Variants in GPR173 observed in about 807,000 individuals in gnomAD.
GPR173 encodes the protein G protein-coupled receptor 173.
In GPR173, 2 loss-of-function variants were observed where a neutral mutation model predicts 13.9. The ratio of observed to expected loss-of-function variants is 0.14; its 90% CI spans 0.06 to 0.45. The LOEUF (loss-of-function observed/expected upper bound fraction) is 0.45. Ranked by LOEUF, GPR173 falls within the 20% of genes least tolerant of loss-of-function variation. The probability of loss-of-function intolerance (pLI) is 0.98; values close to 1 mark genes in which losing one functional copy is unlikely to be tolerated. For synonymous variants in GPR173, 131 were observed against 141.0 expected (o/e 0.93, Z 0.50); for missense variants, 202 against 340.5 (o/e 0.59, Z 3.20).
At chrX:53,074,674 A>T (rs1274529471) in intron 1 of GPR173, among the ~76,000 whole-genome samples, 2 of 84,462 alleles carry the variant, frequency 2.4e-5, no homozygotes, top group Non-Finnish European at 4.2e-5. Flanking sequence ...ATATATATTT[A>T]TTTATAAATA....
chrX:53,070,752 G>A (rs1218890356), intron 1 of GPR173, among the ~76,000 whole-genome samples: 2 of 111,547 alleles, frequency 1.8e-5, no homozygotes, highest in African/African-American at 6.5e-5. Context: ...CCAAAGTGCT[G>A]GGATTACTGG....
intron 1 of GPR173, among the ~76,000 whole-genome samples, chrX:53,073,238 G>C (rs1282650745): frequency 1.9e-5 from 2 of 105,676 alleles, no homozygotes; most frequent in African/African-American, 3.5e-5. Context: ...AAAAAAAAAA[G>C]GCCGGGCACC....
chrX:53,058,139 G>A (rs1438410715), intron 1 of GPR173, among the ~76,000 whole-genome samples: 1 of 112,084 alleles, frequency 8.9e-6, no homozygotes, highest in Non-Finnish European at 1.9e-5. Context: ...GGTTGGCCCC[G>A]TGTGTATATT....
intron 1 of GPR173, among the ~76,000 whole-genome samples, chrX:53,053,845 C>G (rs998723041): frequency 8.9e-6 from 1 of 112,724 alleles, no homozygotes; most frequent in Non-Finnish European, 1.9e-5. Flanking sequence ...TGACCATGTA[C>G]TGGGCTTTTG....
At chrX:53,072,614 C>A (rs1363218962) in intron 1 of GPR173, among the ~76,000 whole-genome samples, 1 of 110,478 alleles carries the variant, frequency 9.1e-6, no homozygotes, top group African/African-American at 3.3e-5. Context: ...GTCACACACA[C>A]CTCTCTCTCC....
At chrX:53,072,392 T>C (rs12394157) in intron 1 of GPR173, among the ~76,000 whole-genome samples, 1 of 73,954 alleles carries the variant, frequency 1.4e-5, no homozygotes, top group Non-Finnish European at 2.4e-5. Flanking sequence ...TTCTCTCTCT[T>C]GCTCTCTCTC....
At chrX:53,074,319 T>A (rs375928180) in intron 1 of GPR173, among the ~76,000 whole-genome samples, 39 of 67,570 alleles carry the variant, frequency 5.8e-4, no homozygotes, top group Non-Finnish European at 8.4e-4. Flanking sequence ...TTCATATATA[T>A]TTATATATAA....
chrX:53,052,010 G>A (rs1931964570), intron 1 of GPR173, among the ~76,000 whole-genome samples: 2 of 111,290 alleles, frequency 1.8e-5, no homozygotes, highest in Admixed American at 9.6e-5. Flanking sequence ...CTGTATGTGG[G>A]TTCTCCAGCA....
At position 53,067,278 on chromosome X, in the gene GPR173, T is replaced by C. The variant is rs782137366; in HGVS notation, c.-97-9247T>C. ...TTTACCTCATTGGTCTTAAAAATAG[T>C]GTACACAATTTCCCTGCACACCGCT... On this transcript the variant is annotated intron_variant, in intron 1 of 1. Transcript: ENST00000332582. 1.1e-4 allele frequency among the ~76,000 whole-genome samples: 12 copies of C among 111,384 alleles called. 1 individual carries two copies. The South Asian group carries it at 4.5e-3, about 42-fold the overall frequency.
chrX:53,069,414 C>T (rs192408600), intron 1 of GPR173, among the ~76,000 whole-genome samples: 2 of 111,729 alleles, frequency 1.8e-5, no homozygotes, highest in East Asian at 5.6e-4. Flanking sequence ...GTGATGAAAA[C>T]AGTTACCACC....
chrX:53,054,111 A>G lies in GPR173; in HGVS notation c.-98+4627A>G, dbSNP rs781903253. On this transcript the variant is annotated intron_variant, in intron 1 of 1. Coordinates refer to ENST00000332582, the MANE Select transcript of GPR173 (RefSeq NM_018969.6). ...CAGAAATCTAGATGTGAGTGTGTAT[A>G]TATAAAAGTGAAAGTATCTTAATAG... Among the ~76,000 whole-genome samples, 3 of 109,470 alleles carry G rather than the reference A, an allele frequency of 2.7e-5. No individual in the cohort carries two copies. In the South Asian group the frequency reaches 1.2e-3, roughly 43 times the overall value.
chrX:53,072,072 T>C (rs782773210), intron 1 of GPR173, among the ~76,000 whole-genome samples: 1 of 105,866 alleles, frequency 9.4e-6, no homozygotes, highest in East Asian at 3.1e-4. Context: ...AGGAAAACCC[T>C]CTCCTCACTT....
At chrX:53,053,635 C>T (rs1181711913) in intron 1 of GPR173, among the ~76,000 whole-genome samples, 2 of 112,749 alleles carry the variant, frequency 1.8e-5, no homozygotes, top group African/African-American at 6.4e-5. Context: ...TGGGCCTGTG[C>T]GGATTGGGCC....
At chrX:53,055,933 G>A (rs1932029407) in intron 1 of GPR173, among the ~76,000 whole-genome samples, 1 of 108,652 alleles carries the variant, frequency 9.2e-6, no homozygotes, top group Non-Finnish European at 1.9e-5. Flanking sequence ...TGAGAATGAT[G>A]TGTGTGTCTG....
At chrX:53,063,241 A>T (rs782065316) in intron 1 of GPR173, among the ~76,000 whole-genome samples, 1 of 110,928 alleles carries the variant, frequency 9.0e-6, no homozygotes, top group Admixed American at 9.7e-5. Flanking sequence ...TGTGGACACC[A>T]TCAAGGTTTA....
chrX:53,057,117 A>C lies in GPR173; in HGVS notation c.-98+7633A>C, dbSNP rs1268249474. 7.1e-5 allele frequency among the ~76,000 whole-genome samples: 8 copies of C among 112,192 alleles called. No individual in the cohort carries two copies. In the Admixed American group the frequency reaches 7.6e-4, roughly 11 times the overall value. On this transcript the variant is annotated intron_variant, in intron 1 of 1. Transcript: ENST00000332582. ...TCATAGGATGAGGATTGGGTGAGTTATATGAAAAGCACTTAGAGGCTGGAC... is the reference window on the plus strand; with the variant it reads ...TCATAGGATGAGGATTGGGTGAGTTCTATGAAAAGCACTTAGAGGCTGGAC...
chrX:53,075,537 C>T (rs1374768502), intron 1 of GPR173, among the ~76,000 whole-genome samples: 1 of 107,356 alleles, frequency 9.3e-6, no homozygotes, highest in Non-Finnish European at 1.9e-5. Context: ...CACACAGATG[C>T]TTGATAAATA....
chrX:53,057,215 G>A (rs1418142246), intron 1 of GPR173, among the ~76,000 whole-genome samples: 3 of 110,623 alleles, frequency 2.7e-5, no homozygotes, highest in Non-Finnish European at 5.7e-5. Flanking sequence ...TCAGGAGTTC[G>A]AGACCAGCCT....
intron 1 of GPR173, among the ~76,000 whole-genome samples, chrX:53,073,895 T>G: frequency 1.6e-4 from 1 of 6,343 alleles, no homozygotes; most frequent in African/African-American, 5.2e-4. Context: ...ATATTTATAT[T>G]TATTTATATA....
Sources: allele counts gnomAD v4.1 joint callset (sites outside exome capture counted in the v4.1 genomes callset), GRCh38; gene constraint gnomAD v4.1.1; transcripts MANE v1.5; gene names NCBI Gene and HGNC (gene_info 2026-07-23, HGNC 2026-07-21).